Variants in FNIP2 observed in about 807,000 individuals in gnomAD.
FNIP2 encodes folliculin-interacting protein 2.
Under a neutral mutation model 108.7 loss-of-function variants are expected in FNIP2, and 32 were observed. That is an observed-to-expected ratio of 0.29 (90% confidence interval 0.22 to 0.40). The LOEUF is 0.40. Ranked by LOEUF, FNIP2 falls within the 10% of genes least tolerant of loss-of-function variation. The pLI is 1.00. For synonymous variants in FNIP2, 480 were observed against 496.7 expected, an observed-to-expected ratio of 0.97 and a Z score of 0.45; for missense variants, 1,202 against 1,381.6, an observed-to-expected ratio of 0.87 and a Z score of 2.06.
chr4:158,847,144 T>A (rs754318825), intron 7 of FNIP2, among the ~76,000 whole-genome samples: 1 of 152,182 alleles, frequency 6.6e-6, no homozygotes. Flanking sequence ...TCTGGGGTCC[T>A]AAATAAATAA....
intron 3 of FNIP2, among the ~76,000 whole-genome samples, 185 bp downstream of exon 3, chr4:158,829,410 A>G (rs1173858740): frequency 6.6e-6 from 1 of 152,172 alleles, no homozygotes; most frequent in Non-Finnish European, 1.5e-5. Context: ...CTCCAATAAA[A>G]ACTGTAATCA....
At chr4:158,779,347 G>C (rs890059699) in intron 1 of FNIP2, among the ~76,000 whole-genome samples, 1 of 152,134 alleles carries the variant, frequency 6.6e-6, no homozygotes, top group Non-Finnish European at 1.5e-5. Flanking sequence ...TGTCAGCTTT[G>C]TAGGATAGTA....
chr4:158,787,000 G>A lies in FNIP2; in HGVS notation c.107+17681G>A, dbSNP rs1776246599. Among the ~76,000 whole-genome samples, 7 of 151,636 alleles carry A rather than the reference G, an allele frequency of 4.6e-5. No homozygotes were observed. The South Asian group carries it at 1.5e-3, about 32-fold the overall frequency. ...TCAGCTTTTTTTTTTTAATCTCTAAGTCTGTGACTTTTTGAATTTTACAGT... is the reference window on the plus strand; with the variant it reads ...TCAGCTTTTTTTTTTTAATCTCTAAATCTGTGACTTTTTGAATTTTACAGT... On this transcript the variant is annotated intron_variant, in intron 1 of 16. Transcript: ENST00000264433.
intron 8 of FNIP2, among the ~76,000 whole-genome samples, chr4:158,856,494 T>A (rs1195842083): frequency 6.6e-6 from 1 of 152,220 alleles, no homozygotes. Flanking sequence ...AAAAAAATTG[T>A]ATGTAGCTGC....
intron 14 of FNIP2, among the ~76,000 whole-genome samples, chr4:158,878,477 C>A (rs566309529): frequency 6.6e-6 from 1 of 152,230 alleles, no homozygotes; most frequent in Admixed American, 6.5e-5. Flanking sequence ...GGTTTCAGGT[C>A]CAGATTTATT....
chr4:158,818,637 T>C (rs1254531282), intron 1 of FNIP2, among the ~76,000 whole-genome samples: 2 of 152,234 alleles, frequency 1.3e-5, no homozygotes, highest in African/African-American at 2.4e-5. Context: ...ATGTAATATG[T>C]AGTGTAGCAT....
intron 14 of FNIP2, among the ~76,000 whole-genome samples, chr4:158,881,914 C>G (rs1219250171): frequency 2.6e-5 from 4 of 151,618 alleles, no homozygotes; most frequent in Non-Finnish European, 5.9e-5. Flanking sequence ...GGCCGCCCAT[C>G]GTCTGGGATG....
intron 14 of FNIP2, among the ~76,000 whole-genome samples, chr4:158,876,592 A>G (rs1474819498): frequency 6.6e-6 from 1 of 152,206 alleles, no homozygotes; most frequent in African/African-American, 2.4e-5. Context: ...TCCAGGCCCC[A>G]TATCCCTGTT....
At chr4:158,852,654 G>A (rs745319686) in intron 8 of FNIP2, among the ~76,000 whole-genome samples, 2 of 152,128 alleles carry the variant, frequency 1.3e-5, no homozygotes, top group Non-Finnish European at 2.9e-5. Context: ...TAGGATATGG[G>A]CAATAAAATG....
intron 16 of FNIP2, among the ~76,000 whole-genome samples, chr4:158,896,252 T>C (rs1782662389): frequency 6.6e-6 from 1 of 152,014 alleles, no homozygotes. Context: ...GAGGAGTAGG[T>C]TGGCACATTC....
intron 1 of FNIP2, among the ~76,000 whole-genome samples, chr4:158,781,948 TTGTC>T (rs1450321154): frequency 1.3e-5 from 2 of 152,212 alleles, no homozygotes; most frequent in African/African-American, 4.8e-5. Context: ...TCTTGCAAGT[TTGTC>T]TGAAGACTAG....
At chr4:158,882,162 T>TGA (rs1353622388) in intron 14 of FNIP2, among the ~76,000 whole-genome samples, 4 of 149,886 alleles carry the variant, frequency 2.7e-5, no homozygotes, top group African/African-American at 7.4e-5. Context: ...CCGCCCCATC[T>TGA]GAGAAGTGAG....
chr4:158,862,051 C>G (rs1424456026), intron 12 of FNIP2, among the ~76,000 whole-genome samples: 1 of 152,182 alleles, frequency 6.6e-6, no homozygotes. Context: ...AGCAGGATTT[C>G]TTAACCTCAG....
At chr4:158,835,376 A>G in intron 6 of FNIP2, 29 bp from the exon 7 acceptor site, 1 of 1,605,800 alleles carries the variant, frequency 6.2e-7, no homozygotes, top group Non-Finnish European at 8.5e-7. Flanking sequence ...AGAGCCCAAT[A>G]ACATGGTTTT....
intron 2 of FNIP2, among the ~76,000 whole-genome samples, chr4:158,826,867 C>G (rs1216095342): frequency 1.3e-5 from 2 of 152,158 alleles, no homozygotes; most frequent in African/African-American, 4.8e-5. Context: ...TGTATTCATT[C>G]TTTTTATGTT....
chr4:158,789,699 G>A (rs926346177), intron 1 of FNIP2, among the ~76,000 whole-genome samples: 3 of 152,154 alleles, frequency 2.0e-5, no homozygotes, highest in East Asian at 1.9e-4. Flanking sequence ...CTGTTATAAC[G>A]TGCAACAGGA....
chr4:158,884,276 T>A (rs998386846), intron 14 of FNIP2, among the ~76,000 whole-genome samples: 2 of 152,106 alleles, frequency 1.3e-5, no homozygotes, highest in Non-Finnish European at 2.9e-5. Flanking sequence ...CTAGAATGTA[T>A]TAGATATTTT....
Position 158,859,218 on chromosome 4 carries a change from T to C in FNIP2, c.1019T>C (p.Phe340Ser). The C allele has an allele frequency of 1.9e-6, 3 of 1,611,974 alleles. No individual in the cohort carries two copies. Among genetic ancestry groups the C allele is most frequent in the Non-Finnish European group, 8.5e-7 (1 of 1,178,824 alleles). ...TTCTTCTTTTCTCATTTTCCCCTGT[T>C]TGAATCTCACATGAACAGGCTGAAG... ...QDFFFSHFPL[F>S]ESHMNRLKSA... The change falls in exon 9 of 17, where the codon TTT (phenylalanine) becomes TCT (serine). Residue 340 changes from phenylalanine (F) to serine (S), a missense_variant. This residue lies in a region of FNIP2 where 878 missense variants were observed against 990.3 expected (regional missense o/e 0.89). Coordinates refer to ENST00000264433, the MANE Select transcript of FNIP2 (RefSeq NM_020840.3).
intron 1 of FNIP2, among the ~76,000 whole-genome samples, chr4:158,795,060 A>G (rs1158204063): frequency 6.6e-6 from 1 of 152,232 alleles, no homozygotes; most frequent in Non-Finnish European, 1.5e-5. Flanking sequence ...GATGGAATAT[A>G]ACTGAATCCG....
Sources: allele counts gnomAD v4.1 joint callset (sites outside exome capture counted in the v4.1 genomes callset), GRCh38; gene constraint gnomAD v4.1.1; regional missense constraint gnomAD v4.1.1; transcripts MANE v1.5; gene names NCBI Gene and HGNC (gene_info 2026-07-23, HGNC 2026-07-21).